Variants in NAV3 observed in about 807,000 individuals in gnomAD.
NAV3 encodes the protein pore membrane and/or filament interacting like protein 1.
In NAV3, 87 loss-of-function variants were observed where a neutral mutation model predicts 244.7. That is an observed-to-expected ratio of 0.36 (90% CI 0.30 to 0.42). The LOEUF is 0.42. NAV3 is among the 20% of genes least tolerant of loss of function. The pLI is 1.00. For missense variants in NAV3, 2,663 were observed against 2,893.3 expected (o/e 0.92, Z 1.83); for synonymous variants, 1,126 against 1,042.2 (o/e 1.08, Z -1.55).
intron 2 of NAV3, among the ~76,000 whole-genome samples, chr12:77,626,173 C>T (rs1019935661): frequency 2.6e-5 from 4 of 151,098 alleles, no homozygotes; most frequent in African/African-American, 9.7e-5. Context: ...CTGAGAGCTT[C>T]AGGAAGGATG....
chr12:78,091,551 C>T (rs1953933773), intron 12 of NAV3: 1 of 152,036 alleles, frequency 6.6e-6, no homozygotes, highest in African/African-American at 2.4e-5. Flanking sequence ...AATCCCAGCA[C>T]TTTGGGAGGC....
intron 2 of NAV3, among the ~76,000 whole-genome samples, chr12:77,746,070 GATA>G (rs1437288807): frequency 6.6e-6 from 1 of 150,810 alleles, no homozygotes; most frequent in Admixed American, 6.6e-5. Flanking sequence ...TCAGCAAGCT[GATA>G]ATAATAACTG....
At chr12:77,790,185 A>T (rs1871121896) in intron 2 of NAV3, among the ~76,000 whole-genome samples, 1 of 152,236 alleles carries the variant, frequency 6.6e-6, no homozygotes, top group Non-Finnish European at 1.5e-5. Context: ...AATTTTAAAA[A>T]GCAACAAATT....
At chr12:78,071,381 C>T (rs1363029916) in intron 12 of NAV3, among the ~76,000 whole-genome samples, 1 of 151,940 alleles carries the variant, frequency 6.6e-6, no homozygotes, top group African/African-American at 2.4e-5. Context: ...ATGTCCTTCA[C>T]CCACTTTTTG....
intron 12 of NAV3, among the ~76,000 whole-genome samples, chr12:78,102,258 T>G (rs1236888859): frequency 1.3e-5 from 2 of 152,120 alleles, no homozygotes; most frequent in Non-Finnish European, 2.9e-5. Context: ...TTGGCCAAAA[T>G]TAATGGGTTA....
intron 2 of NAV3, among the ~76,000 whole-genome samples, chr12:77,611,778 T>C (rs1354035570): frequency 6.6e-6 from 1 of 152,082 alleles, no homozygotes; most frequent in Non-Finnish European, 1.5e-5. Flanking sequence ...TAATTGAGTA[T>C]GGGTTATTAA....
chr12:78,021,673 T>A, intron 8 of NAV3, 74 bp from the exon 9 acceptor site: 1 of 1,006,210 alleles, frequency 9.9e-7, no homozygotes. Flanking sequence ...TAATATTTCT[T>A]GTAGAACTTC....
chr12:77,788,380 T>A (rs1424772859), intron 2 of NAV3, among the ~76,000 whole-genome samples: 3 of 152,184 alleles, frequency 2.0e-5, no homozygotes, highest in Admixed American at 2.0e-4. Context: ...GTGTGGCCAG[T>A]AGATGCAACA....
chr12:77,682,858 T>G (rs1485101815), intron 2 of NAV3, among the ~76,000 whole-genome samples: 1 of 152,146 alleles, frequency 6.6e-6, no homozygotes. Flanking sequence ...GTATTATTTG[T>G]TTTGTTGCTG....
At position 78,167,681 on chromosome 12, in the gene NAV3, G is replaced by A. The variant is rs568723637; in HGVS notation, c.4870-1074G>A. On this transcript the variant is annotated intron_variant, in intron 23 of 39. Transcript: ENST00000397909. ...ACCAGAGAATGAAGAACCGAGGCCC[G>A]ATTCTTTGGCTTTCTGCCAAAGATG... Among the ~76,000 whole-genome samples the A allele has an allele frequency of 4.8e-3, 732 of 151,498 alleles. 5 individuals are homozygous for A. Among genetic ancestry groups the A allele is most frequent in the African/African-American group, 0.016 (682 of 41,408 alleles).
At chr12:77,666,190 T>C (rs962237666) in intron 2 of NAV3, among the ~76,000 whole-genome samples, 18 of 150,356 alleles carry the variant, frequency 1.2e-4, no homozygotes, top group African/African-American at 4.4e-4. Flanking sequence ...TTTTTTTTTT[T>C]TTTTTTTTGT....
chr12:77,589,947 C>T (rs1476716832), intron 2 of NAV3, among the ~76,000 whole-genome samples: 2 of 152,198 alleles, frequency 1.3e-5, no homozygotes, highest in African/African-American at 4.8e-5. Flanking sequence ...GAGACAGTAA[C>T]AGTCTTTTCC....
At chr12:77,949,055 G>T (rs536843126) in intron 3 of NAV3, among the ~76,000 whole-genome samples, 1 of 152,080 alleles carries the variant, frequency 6.6e-6, no homozygotes, top group African/African-American at 2.4e-5. Flanking sequence ...AAACTGAATT[G>T]TGTGGATAGA....
At chr12:77,904,962 A>G (rs1374031501) in intron 1 of NAV3, among the ~76,000 whole-genome samples, 2 of 152,124 alleles carry the variant, frequency 1.3e-5, no homozygotes, top group South Asian at 4.1e-4. Context: ...TTAAAAAAAA[A>G]AAGTAAGAAA....
At chr12:78,009,932 A>G (rs1475642753) in intron 8 of NAV3, among the ~76,000 whole-genome samples, 4 of 152,140 alleles carry the variant, frequency 2.6e-5, no homozygotes, top group East Asian at 1.9e-4. Context: ...AAATGAAACT[A>G]TGGTTGGCAT....
chr12:77,674,485 T>C (rs1038016194), intron 2 of NAV3, among the ~76,000 whole-genome samples: 38 of 152,102 alleles, frequency 2.5e-4, no homozygotes, highest in African/African-American at 8.9e-4. Flanking sequence ...CAGGCTCAGG[T>C]GATCCTCCCA....
intron 2 of NAV3, among the ~76,000 whole-genome samples, chr12:77,747,691 T>A (rs573143285): frequency 1.8e-4 from 27 of 152,302 alleles, no homozygotes; most frequent in African/African-American, 6.3e-4. Context: ...CACCATGGAA[T>A]ACTAAGCAGC....
intron 12 of NAV3, among the ~76,000 whole-genome samples, chr12:78,063,452 T>C (rs1380149122): frequency 6.6e-6 from 1 of 152,174 alleles, no homozygotes; most frequent in African/African-American, 2.4e-5. Context: ...TTATTGTTCT[T>C]ACTCTAGATT....
intron 14 of NAV3, among the ~76,000 whole-genome samples, chr12:78,118,750 A>T (rs991134828): frequency 3.5e-4 from 54 of 152,202 alleles, no homozygotes; most frequent in African/African-American, 1.3e-3. Context: ...TTGTCTGTGT[A>T]TTAGACTTCA....
Sources: allele counts gnomAD v4.1 joint callset (sites outside exome capture counted in the v4.1 genomes callset), GRCh38; gene constraint gnomAD v4.1.1; transcripts MANE v1.5; gene names NCBI Gene and HGNC (gene_info 2026-07-23, HGNC 2026-07-21).